Variants in MAGEA10 observed in about 807,000 individuals in gnomAD.
MAGEA10 encodes MAGE family member A10.
MAGEA10 carries 7 observed loss-of-function variants against 8.6 expected under a neutral mutation model. That is an observed-to-expected ratio of 0.82 (90% CI 0.46 to 1.53). The LOEUF (loss-of-function observed/expected upper bound fraction) is 1.53. Among genes scored for constraint, MAGEA10 ranks in the 40% most tolerant of loss-of-function variants. MAGEA10 has a pLI of 0.01. For synonymous variants in MAGEA10, 125 were observed against 107.4 expected (o/e 1.16, Z -1.02); for missense variants, 293 against 274.0 (o/e 1.07, Z -0.49).
chrX:152,134,673 G>C lies in MAGEA10; in HGVS notation c.948C>G (p.Ala316=). The change falls in exon 4 of 4, where the codon GCC becomes GCG. Residue 316 remains alanine (A), a synonymous_variant. Coordinates refer to ENST00000370323, the MANE Select transcript of MAGEA10 (RefSeq NM_021048.5). ...ATCTTGGATCACTCCCATTTACCTT[G>C]GCCAAAAATTTCAGGAGACTCATCT... ...IRKMSLLKFL[A]KVNGSDPRSF... 8.3e-7 allele frequency: 1 copy of C among 1,209,890 alleles called. No homozygotes were observed. Among genetic ancestry groups the C allele is most frequent in the Non-Finnish European group, 1.1e-6 (1 of 894,508 alleles).
At chrX:152,136,440 C>T (rs1012415488) in intron 2 of MAGEA10, among the ~76,000 whole-genome samples, 2 of 110,926 alleles carry the variant, frequency 1.8e-5, no homozygotes, top group Non-Finnish European at 3.8e-5. Context: ...CTTCTTGATG[C>T]CTGATACGAC....
At position 152,137,946 on chromosome X, in the gene MAGEA10, C is replaced by G. The variant is rs6627212; in HGVS notation, c.-239+529G>C. The stretch of plus-strand genomic sequence containing the variant: ...ACCACGCCCCGCCGCAGACCTGAGT[C>G]ACCGTCCCTTGGATTCCTCAGGCCG... On this transcript the variant is annotated intron_variant, in intron 1 of 3. Transcript: ENST00000370323. Among the ~76,000 whole-genome samples the G allele has an allele frequency of 6.6e-3, 733 of 110,764 alleles. 19 individuals are homozygous for G. Among genetic ancestry groups the G allele is most frequent in the East Asian group, 0.06 (206 of 3,453 alleles).
rs1300611163 is a variant in MAGEA10 at position 152,134,363 on chromosome X, C to T, written c.*148G>A. The T allele has an allele frequency of 2.2e-6, 1 of 461,026 alleles. No individual in the cohort carries two copies. Among genetic ancestry groups the T allele is most frequent in the African/African-American group, 2.4e-5 (1 of 40,862 alleles). The allele number at this position is 461,026 out of a possible 1,213,427, so 38.0% of individuals were successfully genotyped here. On this transcript the variant is annotated 3_prime_UTR_variant, in exon 4 of 4. Transcript: ENST00000370323. ...TGCAATAGAACACTAGAACTTATTC[C>T]TCCTATTTAATTGTAATGTAACTAC... is the stretch of plus-strand genomic sequence containing the variant.
chrX:152,137,370 C>T (rs1435284742), intron 1 of MAGEA10, among the ~76,000 whole-genome samples: 2 of 94,328 alleles, frequency 2.1e-5, no homozygotes, highest in African/African-American at 8.0e-5. Context: ...ACCACACGAT[C>T]ACACCTGCAT....
At position 152,134,146 on chromosome X, in the gene MAGEA10, T is replaced by G; in HGVS notation, c.*365A>C. Reference sequence around the variant, plus strand: ...ACAAAAACATAAACAAAAACTGACATGTAATTGTAGATATTTATGAGGTAC... The same window carrying G: ...ACAAAAACATAAACAAAAACTGACAGGTAATTGTAGATATTTATGAGGTAC... On this transcript the variant is annotated 3_prime_UTR_variant, in exon 4 of 4. Coordinates refer to ENST00000370323, the MANE Select transcript of MAGEA10 (RefSeq NM_021048.5). 1 of 153,294 alleles carries G rather than the reference T, an allele frequency of 6.5e-6. No homozygotes were observed. The highest frequency in any genetic ancestry group is 1.3e-5 in the Non-Finnish European group (1 of 79,980). The allele number at this position is 153,294 out of a possible 1,213,427, so 12.6% of individuals were successfully genotyped here. A position where few individuals can be genotyped will look rare whatever the true frequency, so the allele number is the denominator to read the frequency against.
chrX:152,135,308 A>C lies in MAGEA10; in HGVS notation c.313T>G (p.Ser105Ala). The change falls in exon 4 of 4, where the codon TCT becomes GCT. Residue 105 changes from serine (S) to alanine (A), a missense_variant. Ser to Ala is a moderately conservative substitution (Grantham distance 99, BLOSUM62 1). Coordinates refer to ENST00000370323, the MANE Select transcript of MAGEA10 (RefSeq NM_021048.5). Reference protein sequence around the residue: ...SVVASLPLDQSDEGSSSQKEE... With the variant: ...SVVASLPLDQADEGSSSQKEE... ...TTTTGGCTGCTGGAGCCCTCATCAG[A>C]TTGATCTAATGGAAGGGAAGCAACG... 8.3e-7 allele frequency: 1 copy of C among 1,210,771 alleles called. No individual in the cohort carries two copies. The highest frequency in any genetic ancestry group is 1.1e-6 in the Non-Finnish European group (1 of 895,220).
Position 152,135,748 on chromosome X carries a change from A to G in MAGEA10, c.-66+13T>C. ...GAACCACACCCTGGAGGTTCTAACA[A>G]AGGCCAACTTACAGGTCTTCTCCTT... On this transcript the variant is annotated intron_variant, in intron 3 of 3. Transcript: ENST00000370323. 1.8e-6 allele frequency: 1 copy of G among 543,210 alleles called. No individual in the cohort carries two copies. Among genetic ancestry groups the G allele is most frequent in the South Asian group, 5.6e-5 (1 of 17,726 alleles). The allele number at this position is 543,210 out of a possible 1,213,427, so 44.8% of individuals were successfully genotyped here.
Position 152,134,190 on chromosome X carries a change from A to G in MAGEA10, c.*321T>C, listed in dbSNP as rs1936613748. The stretch of plus-strand genomic sequence containing the variant: ...GAGGTACAATTTGATGTTCTGATTC[A>G]TGTATATGTAGTATAATGATCAAAT... On this transcript the variant is annotated 3_prime_UTR_variant, in exon 4 of 4. Transcript: ENST00000370323. The G allele has an allele frequency of 4.8e-6, 1 of 208,961 alleles. No individual in the cohort carries two copies. Among genetic ancestry groups the G allele is most frequent in the Admixed American group, 6.6e-5 (1 of 15,083 alleles). The allele number at this position is 208,961 out of a possible 1,213,427, so 17.2% of individuals were successfully genotyped here. A position where few individuals can be genotyped will look rare whatever the true frequency, so the allele number is the denominator to read the frequency against.
intron 1 of MAGEA10, among the ~76,000 whole-genome samples, chrX:152,137,452 G>A (rs1428054091): frequency 2.5e-5 from 2 of 80,292 alleles, no homozygotes; most frequent in African/African-American, 9.2e-5. Context: ...GCAGGGGAGG[G>A]GGACAAGACG....
intron 1 of MAGEA10, among the ~76,000 whole-genome samples, chrX:152,138,197 C>T (rs983027239): frequency 4.5e-5 from 5 of 111,143 alleles, no homozygotes; most frequent in Non-Finnish European, 7.6e-5. Flanking sequence ...ACATCAGGGG[C>T]AGAGCCCTCC....
intron 2 of MAGEA10, 40 bp downstream of exon 2, chrX:152,136,831 T>C (rs1187617371): frequency 9.0e-6 from 1 of 111,609 alleles, no homozygotes; most frequent in Non-Finnish European, 1.9e-5. Flanking sequence ...ATCTGTGTTA[T>C]GGGCTGGGGG....
chrX:152,135,731 C>A lies in MAGEA10; in HGVS notation c.-66+30G>T. The A allele has an allele frequency of 1.0e-5, 7 of 683,681 alleles. No individual in the cohort carries two copies. The South Asian group carries it at 3.4e-4, about 33-fold the overall frequency. The allele number at this position is 683,681 out of a possible 1,213,427, so 56.3% of individuals were successfully genotyped here. A position where few individuals can be genotyped will look rare whatever the true frequency, so the allele number is the denominator to read the frequency against. ...TAAGTGGCCACAGCTGAGAACCACA[C>A]CCTGGAGGTTCTAACAAAGGCCAAC... On this transcript the variant is annotated intron_variant, in intron 3 of 3. Coordinates refer to ENST00000370323, the MANE Select transcript of MAGEA10 (RefSeq NM_021048.5).
intron 2 of MAGEA10, among the ~76,000 whole-genome samples, chrX:152,136,299 G>C (rs1178322642): frequency 9.0e-6 from 1 of 111,570 alleles, no homozygotes; most frequent in Admixed American, 9.4e-5. Context: ...TTACATCCCT[G>C]ATACGAAATA....
chrX:152,137,490 A>G (rs1459266575), intron 1 of MAGEA10, among the ~76,000 whole-genome samples: 1 of 92,667 alleles, frequency 1.1e-5, no homozygotes, highest in African/African-American at 4.1e-5. Flanking sequence ...GGTGTCCTCC[A>G]GGTATTCAGA....
At position 152,134,418 on chromosome X, in the gene MAGEA10, C is replaced by CTT. The variant is rs34509899; in HGVS notation, c.*91_*92dup. The CTT allele has an allele frequency of 3.4e-3, 2,059 of 600,545 alleles. No homozygotes were observed. The highest frequency in any genetic ancestry group is 9.2e-3 in the African/African-American group (355 of 38,568). The allele number at this position is 600,545 out of a possible 1,213,427, so 49.5% of individuals were successfully genotyped here. On this transcript the variant is annotated 3_prime_UTR_variant, in exon 4 of 4. Coordinates refer to ENST00000370323, the MANE Select transcript of MAGEA10 (RefSeq NM_021048.5). The stretch of plus-strand genomic sequence containing the variant: ...CTACTCTCTACTTCCATGATACCAA[C>CTT]TTTTTTTTTTTTTTTTTTTAGATTC...
In MAGEA10 at chrX:152,135,577, T is replaced by C; in HGVS notation, c.44A>G (p.Asp15Gly). Residue 15 changes from aspartate (D) to glycine (G), a missense_variant, in exon 4 of 4, where the codon GAT (aspartate) becomes GGT (glycine). Transcript: ENST00000370323. ...PKRQRCMPEE[D>G]LQSQSETQGL... is the part of the protein sequence containing the mutation. ...CTGTGTCTCACTTTGGGATTGAAGA[T>C]CTTCTTCAGGCATGCAGCGCTGACG... 2.6e-6 allele frequency: 3 copies of C among 1,149,874 alleles called. No individual in the cohort carries two copies. Among genetic ancestry groups the C allele is most frequent in the Non-Finnish European group, 3.5e-6 (3 of 866,181 alleles). The allele number at this position is 1,149,874 out of a possible 1,213,427, so 94.8% of individuals were successfully genotyped here.
intron 2 of MAGEA10, among the ~76,000 whole-genome samples, chrX:152,136,301 T>C (rs1936673472): frequency 9.0e-6 from 1 of 111,435 alleles, no homozygotes; most frequent in African/African-American, 3.3e-5. Flanking sequence ...ACATCCCTGA[T>C]ACGAAATAGA....
In MAGEA10 at chrX:152,135,782, C is replaced by T; in HGVS notation, c.-87G>A. 2.5e-6 allele frequency: 1 copy of T among 397,845 alleles called. No individual in the cohort carries two copies. The highest frequency in any genetic ancestry group is 4.4e-6 in the Non-Finnish European group (1 of 228,039). 32.8% of individuals were successfully genotyped at this position (397,845 alleles called of 1,213,427 possible). On this transcript the variant is annotated 5_prime_UTR_variant, in exon 3 of 4. Coordinates refer to ENST00000370323, the MANE Select transcript of MAGEA10 (RefSeq NM_021048.5). ...TTACAGGTCTTCTCCTTCAGTGCTG[C>T]TCTGTGGTGTCCCACAGCTCTTGAC... is the stretch of plus-strand genomic sequence containing the variant.
intron 1 of MAGEA10, among the ~76,000 whole-genome samples, chrX:152,137,585 C>A (rs1024822200): frequency 1.8e-5 from 2 of 110,239 alleles, no homozygotes; most frequent in Non-Finnish European, 3.8e-5. Context: ...TCCCTGGGAT[C>A]CCCGGTGAGA....
Sources: gnomAD v4.1 joint callset for allele counts (sites outside exome capture counted in the v4.1 genomes callset) on GRCh38, gnomAD v4.1.1 for gene constraint, MANE v1.5 for transcripts, NCBI Gene and HGNC (gene_info 2026-07-23, HGNC 2026-07-21) for gene names.